PCDH7: variants seen among roughly 807,000 people sequenced by gnomAD.
PCDH7 encodes the protein protocadherin-7.
Under a neutral mutation model 58.9 loss-of-function variants are expected in PCDH7, and 17 were observed. The observed-to-expected ratio is 0.29, with a 90% CI of 0.20 to 0.43. The LOEUF (loss-of-function observed/expected upper bound fraction) is 0.43, where lower values mean the gene tolerates loss of function less well. Among genes scored for constraint, PCDH7 ranks in the 20% least tolerant of loss-of-function variants. The pLI is 1.00. For missense variants in PCDH7, 1,274 were observed against 1,441.0 expected (o/e 0.88, Z 1.88); for synonymous variants, 664 against 616.4 (o/e 1.08, Z -1.14).
Position 30,753,125 on chromosome 4 carries a change from G to A in PCDH7, c.70+28529G>A, listed in dbSNP as rs562994988. ...GGGAGATAAAATACCATAAATGTCA[G>A]CATCATGCCTGGGAGACCCTTTAAG... is the stretch of plus-strand genomic sequence containing the variant. On this transcript the variant is annotated intron_variant, in intron 1 of 3. Transcript: ENST00000509759. Among the ~76,000 whole-genome samples the A allele has an allele frequency of 4.1e-4, 63 of 152,252 alleles. 3 individuals are homozygous for A. Among genetic ancestry groups the A allele is most frequent in the African/African-American group, 1.4e-3 (58 of 41,534 alleles).
At chr4:30,870,108 T>C (rs1735381227) in intron 1 of PCDH7, among the ~76,000 whole-genome samples, 1 of 152,078 alleles carries the variant, frequency 6.6e-6, no homozygotes, top group African/African-American at 2.4e-5. Flanking sequence ...ATTCATATCC[T>C]TCGCCCACTT....
At chr4:30,868,930 T>C (rs1265354351) in intron 1 of PCDH7, 1 of 152,094 alleles carries the variant, frequency 6.6e-6, no homozygotes, top group African/African-American at 2.4e-5. Flanking sequence ...TTCAACCATA[T>C]GAAAAAGAAT....
chr4:30,793,743 TA>T (rs1325751873), intron 1 of PCDH7, among the ~76,000 whole-genome samples: 1 of 152,196 alleles, frequency 6.6e-6, no homozygotes, highest in East Asian at 1.9e-4. Context: ...GCAATAGCGT[TA>T]AAGGAACTAC....
At chr4:31,008,363 G>A (rs192171203) in intron 3 of PCDH7, among the ~76,000 whole-genome samples, 287 of 152,170 alleles carry the variant, frequency 1.9e-3, no homozygotes, top group African/African-American at 6.2e-3. Flanking sequence ...ATGATGGTTC[G>A]TAAAAATAGA....
chr4:30,871,643 T>A (rs776052127), intron 1 of PCDH7, among the ~76,000 whole-genome samples: 1 of 152,118 alleles, frequency 6.6e-6, no homozygotes, highest in Non-Finnish European at 1.5e-5. Flanking sequence ...TTAGTGCTAA[T>A]CTCTGCCTCT....
intron 1 of PCDH7, among the ~76,000 whole-genome samples, chr4:30,743,384 A>G (rs1415432389): frequency 1.3e-5 from 2 of 152,046 alleles, no homozygotes; most frequent in Non-Finnish European, 1.5e-5. Flanking sequence ...TAATTTACAA[A>G]AGGAAAAAAA....
chr4:31,090,307 T>C (rs1253661796), intron 3 of PCDH7, among the ~76,000 whole-genome samples: 2 of 152,126 alleles, frequency 1.3e-5, no homozygotes, highest in African/African-American at 4.8e-5. Flanking sequence ...AGTAGATGTA[T>C]ACATTTATGA....
chr4:30,940,568 TTAAAA>T (rs1281359263), intron 2 of PCDH7, among the ~76,000 whole-genome samples: 4 of 152,028 alleles, frequency 2.6e-5, no homozygotes, highest in Admixed American at 6.6e-5. Flanking sequence ...TACAGTATTC[TTAAAA>T]TAAACTTAGC....
rs145509142 is a variant in PCDH7, at chr4:31,083,313, A to C, written c.*8-59160A>C. Among the ~76,000 whole-genome samples, 8 of 152,248 alleles carry C rather than the reference A, an allele frequency of 5.3e-5. No homozygotes were observed. The East Asian group carries it at 1.5e-3, about 29-fold the overall frequency. On this transcript the variant is annotated intron_variant, in intron 3 of 3. Transcript: ENST00000509759. ...CTTTAGTTTTCAATAAAACATCATAATAAGAATAAATTATAGATATTGAGA... is the reference window on the plus strand; with the variant it reads ...CTTTAGTTTTCAATAAAACATCATACTAAGAATAAATTATAGATATTGAGA...
intron 1 of PCDH7, among the ~76,000 whole-genome samples, chr4:30,825,107 TAGA>T (rs1284405984): frequency 1.3e-5 from 2 of 152,048 alleles, no homozygotes; most frequent in Non-Finnish European, 2.9e-5. Flanking sequence ...GACAATGGAG[TAGA>T]AGATGTTTCC....
At chr4:31,131,817 T>C (rs1440969415) in intron 3 of PCDH7, among the ~76,000 whole-genome samples, 1 of 152,206 alleles carries the variant, frequency 6.6e-6, no homozygotes, top group African/African-American at 2.4e-5. Flanking sequence ...AAAATAGCCA[T>C]GTTATTAGAA....
intron 3 of PCDH7, among the ~76,000 whole-genome samples, chr4:31,029,562 A>C (rs974927651): frequency 6.6e-6 from 1 of 152,220 alleles, no homozygotes; most frequent in African/African-American, 2.4e-5. Flanking sequence ...ACGGTTTAGC[A>C]CTGACAAGTC....
chr4:31,043,394 CCCA>C (rs1216927380), intron 3 of PCDH7, among the ~76,000 whole-genome samples: 5 of 152,120 alleles, frequency 3.3e-5, no homozygotes, highest in Non-Finnish European at 5.9e-5. Flanking sequence ...AATTTACACT[CCCA>C]CCAACAGTGG....
At chr4:30,812,153 A>G (rs1256945094) in intron 1 of PCDH7, among the ~76,000 whole-genome samples, 1 of 152,186 alleles carries the variant, frequency 6.6e-6, no homozygotes, top group Non-Finnish European at 1.5e-5. Flanking sequence ...CAACTAGACT[A>G]TTTAAATAAA....
At chr4:30,954,318 T>A (rs1355833149) in intron 3 of PCDH7, among the ~76,000 whole-genome samples, 1 of 152,182 alleles carries the variant, frequency 6.6e-6, no homozygotes, top group Non-Finnish European at 1.5e-5. Flanking sequence ...CTTCATATAT[T>A]ATGAACCTAT....
Position 30,721,447 on chromosome 4 carries a change from TG to T in PCDH7, c.28del (p.Ala10ArgfsTer49). ...GATGCTGAGGATGCGGACCGCGGGA[TG>T]GGCGCGCGGCTGGTGCTTGGGCTGC... On this transcript the variant is annotated frameshift_variant, in exon 1 of 2. Transcript: ENST00000361762. LOFTEE classifies it high-confidence loss of function. This position sits in a 1 kb window ranked among gnomAD's most constrained non-coding sequence, Gnocchi z 6.7. The T allele has an allele frequency of 6.5e-7, 1 of 1,538,612 alleles. No individual in the cohort carries two copies.
At chr4:31,088,508 T>C (rs1712779925) in intron 3 of PCDH7, among the ~76,000 whole-genome samples, 1 of 152,048 alleles carries the variant, frequency 6.6e-6, no homozygotes, top group Non-Finnish European at 1.5e-5. Flanking sequence ...GTGTTGTATT[T>C]GTATACACCT....
intron 2 of PCDH7, among the ~76,000 whole-genome samples, chr4:30,946,884 G>C (rs1388221172): frequency 6.6e-6 from 1 of 151,912 alleles, no homozygotes; most frequent in East Asian, 1.9e-4. Flanking sequence ...TAATTTTTTT[G>C]TGCTTTTAGT....
intron 1 of PCDH7, among the ~76,000 whole-genome samples, chr4:30,755,029 GT>G (rs1430581083): frequency 1.3e-5 from 2 of 152,122 alleles, no homozygotes; most frequent in African/African-American, 4.8e-5. Context: ...AGAAACTGAG[GT>G]TTGGGGTTTA....
Sources: allele counts gnomAD v4.1 joint callset (sites outside exome capture counted in the v4.1 genomes callset), GRCh38; gene constraint gnomAD v4.1.1; non-coding constraint Gnocchi (gnomAD v3.1); transcripts MANE v1.5; gene names NCBI Gene and HGNC (gene_info 2026-07-23, HGNC 2026-07-21).